STOX2: variants seen among roughly 807,000 people sequenced by gnomAD.
STOX2 encodes the protein storkhead box 2, also known as storkhead-box protein 2.
In STOX2, 28 loss-of-function variants were observed where a neutral mutation model predicts 60.9. The ratio of observed to expected loss-of-function variants is 0.46; its 90% CI spans 0.34 to 0.63. STOX2 has a LOEUF of 0.63. Ranked by LOEUF, STOX2 falls within the 30% of genes least tolerant of loss-of-function variation. The pLI, the probability that STOX2 is intolerant of heterozygous loss-of-function variation, is 0.01. For synonymous variants in STOX2, 472 were observed against 463.9 expected (o/e 1.02, Z -0.22); for missense variants, 1,024 against 1,187.7 (o/e 0.86, Z 2.03).
chr4:183,877,733 T>C (rs1016267920), intron 1 of STOX2, among the ~76,000 whole-genome samples: 9 of 152,130 alleles, frequency 5.9e-5, no homozygotes, highest in African/African-American at 2.2e-4. Context: ...CAGGCTGGAG[T>C]ACAGTGGGGC....
intron 1 of STOX2, among the ~76,000 whole-genome samples, chr4:183,844,171 T>C (rs1344258759): frequency 6.6e-6 from 1 of 152,202 alleles, no homozygotes; most frequent in African/African-American, 2.4e-5. Flanking sequence ...CCATTGCAAG[T>C]AGATATGAGG....
At chr4:183,980,427 A>T (rs896436870) in intron 1 of STOX2, among the ~76,000 whole-genome samples, 1 of 152,196 alleles carries the variant, frequency 6.6e-6, no homozygotes, top group African/African-American at 2.4e-5. Context: ...CATTCTTGTC[A>T]GTAGGGATAG....
chr4:183,812,049 A>T (rs1309276779), intron 1 of STOX2, among the ~76,000 whole-genome samples: 1 of 150,596 alleles, frequency 6.6e-6, no homozygotes, highest in Admixed American at 6.7e-5. Context: ...CTCCCACCTC[A>T]GCCTCCTCAG....
intron 1 of STOX2, among the ~76,000 whole-genome samples, chr4:183,858,321 G>A (rs962277806): frequency 1.3e-5 from 2 of 152,228 alleles, no homozygotes; most frequent in African/African-American, 4.8e-5. Flanking sequence ...CCCTGTGCGG[G>A]CTGCAAGCCT....
chr4:183,873,464 A>AAG (rs34451109), intron 1 of STOX2, among the ~76,000 whole-genome samples: 48 of 148,790 alleles, frequency 3.2e-4, no homozygotes, highest in Non-Finnish European at 5.5e-4. Context: ...AAAAAAAAAA[A>AAG]GGGAGGATTG....
intron 1 of STOX2, among the ~76,000 whole-genome samples, chr4:183,807,066 G>A (rs995211956): frequency 4.6e-5 from 7 of 152,064 alleles, no homozygotes; most frequent in South Asian, 2.1e-4. Flanking sequence ...TCCGTCTCCC[G>A]GGTTCACGCC....
chr4:183,911,886 T>G (rs1330809847), intron 1 of STOX2, among the ~76,000 whole-genome samples: 1 of 152,154 alleles, frequency 6.6e-6, no homozygotes, highest in Admixed American at 6.5e-5. Flanking sequence ...ATCTATAAGG[T>G]ATAAAGTAGA....
Position 183,820,352 on chromosome 4 carries a change from G to A in STOX2, c.364+22297G>A, listed in dbSNP as rs138235254. Among the ~76,000 whole-genome samples, 604 of 152,242 alleles carry A rather than the reference G, an allele frequency of 4.0e-3. 2 individuals carry two copies. Among genetic ancestry groups the A allele is most frequent in the African/African-American group, 0.014 (584 of 41,542 alleles). On this transcript the variant is annotated intron_variant, in intron 1 of 2. Coordinates refer to the STOX2 transcript ENST00000513034. ...AGGGTCTTATCTTGTGAGGAGGTGG[G>A]CCACTCCATGTCCCTTTCCTCTCCT...
chr4:183,848,581 A>G (rs1178324936), intron 1 of STOX2, among the ~76,000 whole-genome samples: 1 of 151,772 alleles, frequency 6.6e-6, no homozygotes, highest in African/African-American at 2.4e-5. Flanking sequence ...GTAAGCCAGG[A>G]AGAGAGAATA....
At chr4:183,834,953 G>A (rs533904555) in intron 1 of STOX2, among the ~76,000 whole-genome samples, 6 of 152,172 alleles carry the variant, frequency 3.9e-5, no homozygotes, top group Non-Finnish European at 7.4e-5. Flanking sequence ...AAGAATTTCC[G>A]ATGTTGGGGC....
intron 1 of STOX2, among the ~76,000 whole-genome samples, chr4:183,970,139 C>CGTGTGTGT (rs3042606): frequency 0.079 from 10,041 of 126,812 alleles, 467 homozygotes; most frequent in Non-Finnish European, 0.079. Context: ...ACTACATGTA[C>CGTGTGTGT]GTGTGTGTGT....
chr4:183,899,493 A>G (rs1235525908), intron 1 of STOX2, among the ~76,000 whole-genome samples: 1 of 152,226 alleles, frequency 6.6e-6, no homozygotes, highest in Non-Finnish European at 1.5e-5. Context: ...AGAAAGCAAA[A>G]CAGACTTAAT....
chr4:183,957,597 C>T (rs1743287521), intron 1 of STOX2, among the ~76,000 whole-genome samples: 1 of 152,150 alleles, frequency 6.6e-6, no homozygotes, highest in Non-Finnish European at 1.5e-5. Flanking sequence ...CTTTTGCAGG[C>T]ATGGTATTCT....
intron 1 of STOX2, among the ~76,000 whole-genome samples, chr4:183,950,009 GTT>G (rs772973588): frequency 2.0e-5 from 3 of 152,102 alleles, no homozygotes; most frequent in Non-Finnish European, 4.4e-5. Context: ...AAGTCATAAA[GTT>G]TTCATTTTAG....
intron 1 of STOX2, among the ~76,000 whole-genome samples, chr4:183,929,949 C>T (rs1469571063): frequency 6.6e-6 from 1 of 151,568 alleles, no homozygotes; most frequent in East Asian, 2.0e-4. Flanking sequence ...CTGCAAGCTC[C>T]GCCTCCCGGG....
intron 2 of STOX2, among the ~76,000 whole-genome samples, chr4:184,006,461 G>A (rs531564160): frequency 1.9e-4 from 29 of 152,166 alleles, no homozygotes; most frequent in African/African-American, 6.7e-4. Flanking sequence ...TCAGTGGAAG[G>A]CACTTTGGGA....
rs544689455 is a variant in STOX2 at position 183,951,158 on chromosome 4, T to G, written c.166+44202T>G. Among the ~76,000 whole-genome samples, 15 of 146,320 alleles carry G rather than the reference T, an allele frequency of 1.0e-4. No individual in the cohort carries two copies. In the South Asian group the frequency reaches 2.8e-3, roughly 28 times the overall value. On this transcript the variant is annotated intron_variant, in intron 1 of 3. Transcript: ENST00000308497. Reference sequence around the variant, plus strand: ...TGAACCCGGGAGGTGGAGCTTGCAGTGAGCCGAGATCGCGCCACTGCACTC... The same window carrying G: ...TGAACCCGGGAGGTGGAGCTTGCAGGGAGCCGAGATCGCGCCACTGCACTC...
intron 1 of STOX2, among the ~76,000 whole-genome samples, chr4:183,808,276 A>G (rs966062897): frequency 7.2e-5 from 11 of 152,036 alleles, no homozygotes; most frequent in Non-Finnish European, 1.6e-4. Flanking sequence ...ATTCATTCCA[A>G]TCCTCGCCTG....
Position 183,821,625 on chromosome 4 carries a change from A to G in STOX2, c.364+23570A>G, listed in dbSNP as rs1245476956. On this transcript the variant is annotated intron_variant, in intron 1 of 2. Coordinates refer to the STOX2 transcript ENST00000513034. The surrounding 1 kb of genome is among the most constrained non-coding windows in gnomAD (Gnocchi z 4.2). ...CTCTTTGGGAGGCTGGCAGGCAGGT[A>G]GGCTGGGAAGGTGAGGGTTGGCAGT... Among the ~76,000 whole-genome samples, 2 of 152,188 alleles carry G rather than the reference A, an allele frequency of 1.3e-5. No homozygotes were observed. The highest frequency in any genetic ancestry group is 6.5e-5 in the Admixed American group (1 of 15,288).
Sources: gnomAD v4.1 joint callset for allele counts (sites outside exome capture counted in the v4.1 genomes callset) on GRCh38, gnomAD v4.1.1 for gene constraint, Gnocchi (gnomAD v3.1) non-coding constraint, MANE v1.5 for transcripts, NCBI Gene and HGNC (gene_info 2026-07-23, HGNC 2026-07-21) for gene names.